Variants in KTN1 observed in about 807,000 individuals in gnomAD.
KTN1 encodes kinectin 1.
In KTN1, 130 loss-of-function variants were observed where a neutral mutation model predicts 222.5. The observed-to-expected ratio is 0.58, with a 90% CI of 0.51 to 0.68. KTN1 has a LOEUF of 0.68. Among genes scored for constraint, KTN1 ranks in the 30% least tolerant of loss-of-function variants. KTN1 has a pLI of 0.00. For missense variants in KTN1, 1,508 were observed against 1,500.4 expected (o/e 1.01, Z -0.08); for synonymous variants, 512 against 496.3 (o/e 1.03, Z -0.42).
chr14:55,603,569 T>C (rs1415512902), intron 1 of KTN1, among the ~76,000 whole-genome samples: 1 of 152,226 alleles, frequency 6.6e-6, no homozygotes, highest in Admixed American at 6.5e-5. Flanking sequence ...CCTTGAGAGT[T>C]CTTCATTTTC....
chr14:55,627,203 G>T (rs1274779729), intron 5 of KTN1, among the ~76,000 whole-genome samples: 1 of 152,076 alleles, frequency 6.6e-6, no homozygotes, highest in African/African-American at 2.4e-5. Flanking sequence ...TTACTGTCTT[G>T]ACTCTGAGTT....
At chr14:55,628,079 A>G in intron 6 of KTN1, 51 bp downstream of exon 6, 1 of 1,111,200 alleles carries the variant, frequency 9.0e-7, no homozygotes, top group South Asian at 1.3e-5. Context: ...CAGAAGCAAC[A>G]AAAGATTTTA....
chr14:55,580,266 G>GCGC lies in KTN1; in HGVS notation c.-117_-116insCCG, dbSNP rs1447554110. On this transcript the variant is annotated 5_prime_UTR_variant, in exon 1 of 44. Transcript: ENST00000395314. ...CACCTGAGCGACTGCGGCGGCGGCGGCGGCGGCGGCGGCGCCTCGGAGCGG... is the reference window on the plus strand; with the variant it reads ...CACCTGAGCGACTGCGGCGGCGGCGGCGCCGGCGGCGGCGGCGCCTCGGAGCGG... 6.4e-6 allele frequency: 1 copy of GCGC among 156,492 alleles called. No individual in the cohort carries two copies. Among genetic ancestry groups the GCGC allele is most frequent in the African/African-American group, 2.4e-5 (1 of 41,068 alleles). 9.7% of individuals were successfully genotyped at this position (156,492 alleles called of 1,614,324 possible). A position where few individuals can be genotyped will look rare whatever the true frequency, so the allele number is the denominator to read the frequency against.
intron 43 of KTN1, chr14:55,682,161 A>G (rs1240811201): frequency 6.6e-6 from 1 of 152,144 alleles, no homozygotes; most frequent in African/African-American, 2.4e-5. Context: ...CTAAATCCTG[A>G]TACATAGTAC....
chr14:55,633,141 T>C, intron 7 of KTN1, 94 bp from the exon 8 acceptor site: 1 of 522,526 alleles, frequency 1.9e-6, no homozygotes, highest in African/African-American at 2.0e-5. Flanking sequence ...ATTCTATTGA[T>C]GTTTTTTATA....
intron 4 of KTN1, among the ~76,000 whole-genome samples, chr14:55,618,624 C>G (rs1282638423): frequency 6.6e-6 from 1 of 152,028 alleles, no homozygotes; most frequent in African/African-American, 2.4e-5. Flanking sequence ...TTGTTAATGC[C>G]TAATACGAGA....
chr14:55,632,292 A>C (rs914529694), intron 7 of KTN1, among the ~76,000 whole-genome samples: 1 of 152,212 alleles, frequency 6.6e-6, no homozygotes, highest in Non-Finnish European at 1.5e-5. Flanking sequence ...TTACTTGATT[A>C]CTTACAGAGG....
Position 55,620,209 on chromosome 14 carries a change from G to C in KTN1, c.963+897G>C, listed in dbSNP as rs550868818. On this transcript the variant is annotated intron_variant, in intron 5 of 43. Coordinates refer to ENST00000395314, the MANE Select transcript of KTN1 (RefSeq NM_001079521.2). ...TCAAGAGGTGGATTCCCATGGTCTT[G>C]GGCAGCTCCGCCCCTGTGGCTTTAC... Among the ~76,000 whole-genome samples, 25 of 152,288 alleles carry C rather than the reference G, an allele frequency of 1.6e-4. No homozygotes were observed. In the South Asian group the frequency reaches 5.0e-3, roughly 30 times the overall value.
At position 55,675,800 on chromosome 14, in the gene KTN1, ATTAAG is replaced by A; in HGVS notation, c.3772-30_3772-26del. 5 of 1,377,018 alleles carry A rather than the reference ATTAAG, an allele frequency of 3.6e-6. No individual in the cohort carries two copies. The South Asian group carries it at 5.8e-5, about 16-fold the overall frequency. The allele number at this position is 1,377,018 out of a possible 1,614,324, so 85.3% of individuals were successfully genotyped here. ...TCAGCATAATCAAAGAATGATGCAAATTAAGTTAATTGTGGTGTTCCTTTATTTTT... is the reference window on the plus strand; with the variant it reads ...TCAGCATAATCAAAGAATGATGCAAATTAATTGTGGTGTTCCTTTATTTTT... On this transcript the variant is annotated intron_variant, in intron 40 of 43. Transcript: ENST00000395314.
chr14:55,652,017 G>A, intron 25 of KTN1, 90 bp downstream of exon 25: 1 of 840,610 alleles, frequency 1.2e-6, no homozygotes, highest in East Asian at 2.7e-5. Flanking sequence ...TTGATTTCAA[G>A]TGGTGTTTTA....
intron 33 of KTN1, among the ~76,000 whole-genome samples, chr14:55,666,389 G>A (rs1193791573): frequency 6.6e-6 from 1 of 151,422 alleles, no homozygotes; most frequent in Admixed American, 6.6e-5. Flanking sequence ...GATTTTCTTG[G>A]CTTGGTTTAG....
At chr14:55,583,683 A>G (rs1337228407) in intron 1 of KTN1, among the ~76,000 whole-genome samples, 1 of 152,134 alleles carries the variant, frequency 6.6e-6, no homozygotes, top group African/African-American at 2.4e-5. Flanking sequence ...TGACAATCTT[A>G]TCCAGTGTCA....
intron 7 of KTN1, among the ~76,000 whole-genome samples, chr14:55,632,723 G>GA (rs917770241): frequency 1.1e-4 from 16 of 151,658 alleles, no homozygotes; most frequent in African/African-American, 3.9e-4. Context: ...TAAAAACTTG[G>GA]AAAAAAAATT....
At chr14:55,600,245 A>G (rs2035768799) in intron 1 of KTN1, among the ~76,000 whole-genome samples, 1 of 151,914 alleles carries the variant, frequency 6.6e-6, no homozygotes, top group East Asian at 1.9e-4. Context: ...TATTTTATTA[A>G]TTAACCCATT....
In KTN1 at chr14:55,634,518, G is replaced by A; in HGVS notation, c.1329-8G>A. 6.2e-7 allele frequency: 1 copy of A among 1,601,054 alleles called. No homozygotes were observed. Among genetic ancestry groups the A allele is most frequent in the Non-Finnish European group, 8.5e-7 (1 of 1,175,916 alleles). ...ACGGAAGGCTCCTAATCCAGTTACT[G>A]TTTTCAGGCAGTCTGCAGAACTAAA... On this transcript the variant is annotated splice_region_variant and splice_polypyrimidine_tract_variant and intron_variant, in intron 8 of 43. Transcript: ENST00000395314.
In KTN1 at chr14:55,600,629, A is replaced by AT. The variant is rs1228444893; in HGVS notation, c.-30-11390_-30-11389insT. Among the ~76,000 whole-genome samples, 39 of 152,228 alleles carry AT rather than the reference A, an allele frequency of 2.6e-4. 1 individual carries two copies. The highest frequency in any genetic ancestry group is 5.9e-5 in the Non-Finnish European group (4 of 68,000). ...ATTAGATGGCCCTTTCTTACTCAGA[A>AT]ATCTTATGAAAGGAAAAGCAGGTCA... On this transcript the variant is annotated intron_variant, in intron 1 of 43. Coordinates refer to ENST00000395314, the MANE Select transcript of KTN1 (RefSeq NM_001079521.2).
intron 40 of KTN1, chr14:55,675,479 C>A: frequency 5.8e-6 from 1 of 173,712 alleles, no homozygotes; most frequent in Non-Finnish European, 1.2e-5. Context: ...TTAAGAAAGC[C>A]TTTAAAAACT....
intron 5 of KTN1, among the ~76,000 whole-genome samples, chr14:55,627,161 C>G (rs550382179): frequency 6.6e-6 from 1 of 152,124 alleles, no homozygotes; most frequent in Non-Finnish European, 1.5e-5. Context: ...GTTTCATATT[C>G]TCTCTTTTGA....
At chr14:55,643,903 G>T (rs1214772941) in intron 18 of KTN1, among the ~76,000 whole-genome samples, 1 of 152,098 alleles carries the variant, frequency 6.6e-6, no homozygotes, top group East Asian at 1.9e-4. Flanking sequence ...TTTAGTATGA[G>T]ATGTGCTTTT....
Sources: gnomAD v4.1 joint callset for allele counts (sites outside exome capture counted in the v4.1 genomes callset) on GRCh38, gnomAD v4.1.1 for gene constraint, MANE v1.5 for transcripts, NCBI Gene and HGNC (gene_info 2026-07-23, HGNC 2026-07-21) for gene names.